HEATR5B: variants seen among roughly 807,000 people sequenced by gnomAD.
The protein encoded by HEATR5B is HEAT repeat containing 5B, also known as HEAT repeat-containing protein 5B.
Under a neutral mutation model 224.1 loss-of-function variants are expected in HEATR5B, and 156 were observed. The ratio of observed to expected loss-of-function variants is 0.70; its 90% CI spans 0.61 to 0.80. The LOEUF (loss-of-function observed/expected upper bound fraction) is 0.80. Among genes scored for constraint, HEATR5B ranks in the 30% least tolerant of loss-of-function variants. The probability of loss-of-function intolerance (pLI) is 0.00; values close to 1 mark genes in which losing one functional copy is unlikely to be tolerated. For missense variants in HEATR5B, 2,323 were observed against 2,535.5 expected, an observed-to-expected ratio of 0.92 and a Z score of 1.80; for synonymous variants, 1,027 against 893.0, an observed-to-expected ratio of 1.15 and a Z score of -2.68.
chr2:36,986,704 G>A (rs575058691), intron 35 of HEATR5B, among the ~76,000 whole-genome samples: 60 of 152,170 alleles, frequency 3.9e-4, no homozygotes, highest in Admixed American at 9.8e-4. Context: ...TGCAACCTCC[G>A]CCTCCCGGGT....
At position 37,064,954 on chromosome 2, in the gene HEATR5B, G is replaced by A; in HGVS notation, c.1370C>T (p.Pro457Leu). ...LEIVTSVLLH[P>L]SMAARLAAAW... ...AGCAGCAAGTCGGGCAGCCATGCTT[G>A]GATGAAGCAGCACTGAAGTCACAAT... is the stretch of plus-strand genomic sequence containing the variant. Residue 457 changes from proline (P) to leucine (L), a missense_variant, in exon 10 of 36, where the codon CCA becomes CTA. Physicochemically the swap from Pro to Leu is moderately conservative, Grantham distance 98. This residue lies in a region of HEATR5B where 502 missense variants were observed against 517.8 expected (regional missense o/e 0.97). Transcript: ENST00000233099. The A allele has an allele frequency of 6.2e-7, 1 of 1,614,010 alleles. No homozygotes were observed. Among genetic ancestry groups the A allele is most frequent in the Non-Finnish European group, 8.5e-7 (1 of 1,179,944 alleles).
At chr2:36,993,656 G>A (rs1375244231) in intron 33 of HEATR5B, among the ~76,000 whole-genome samples, 1 of 152,056 alleles carries the variant, frequency 6.6e-6, no homozygotes, top group African/African-American at 2.4e-5. Context: ...CAACTTCATA[G>A]TGGGGAAACA....
At chr2:37,011,422 G>C (rs1667779324) in intron 27 of HEATR5B, among the ~76,000 whole-genome samples, 1 of 152,152 alleles carries the variant, frequency 6.6e-6, no homozygotes, top group Admixed American at 6.5e-5. Context: ...GTCACTGTAA[G>C]ACTTTACGGT....
intron 35 of HEATR5B, among the ~76,000 whole-genome samples, chr2:36,983,494 G>A (rs112553879): frequency 0.29 from 43,354 of 151,694 alleles, 6,513 homozygotes; most frequent in African/African-American, 0.34. Flanking sequence ...AGCCGAGATC[G>A]TGCCATTGCA....
intron 21 of HEATR5B, among the ~76,000 whole-genome samples, chr2:37,035,828 C>T (rs973332422): frequency 3.3e-5 from 5 of 152,100 alleles, no homozygotes; most frequent in African/African-American, 1.2e-4. Flanking sequence ...CTTTTCTGAG[C>T]TCCAGGCCCA....
At chr2:37,083,261 C>A in intron 2 of HEATR5B, 28 bp downstream of exon 2, 2 of 1,612,646 alleles carry the variant, frequency 1.2e-6, no homozygotes, top group Non-Finnish European at 1.7e-6. Flanking sequence ...CACGTTAATG[C>A]AACTGGGAAA....
At chr2:37,064,206 C>A (rs1348042452) in intron 10 of HEATR5B, among the ~76,000 whole-genome samples, 3 of 151,268 alleles carry the variant, frequency 2.0e-5, no homozygotes, top group African/African-American at 7.3e-5. Context: ...GAATATATAG[C>A]AATGTGAACT....
intron 8 of HEATR5B, 38 bp from the exon 9 acceptor site, chr2:37,065,948 T>C: frequency 6.4e-7 from 1 of 1,566,324 alleles, no homozygotes; most frequent in Non-Finnish European, 8.7e-7. Context: ...ATAGGAGAAA[T>C]GAATTGTGGT....
chr2:37,073,802 A>G (rs1223521309), intron 5 of HEATR5B, among the ~76,000 whole-genome samples: 1 of 152,232 alleles, frequency 6.6e-6, no homozygotes, highest in Non-Finnish European at 1.5e-5. Context: ...TAGACTGGGC[A>G]AAACAATTTT....
intron 2 of HEATR5B, among the ~76,000 whole-genome samples, chr2:37,079,969 G>A (rs896267185): frequency 8.5e-5 from 13 of 152,312 alleles, no homozygotes; most frequent in African/African-American, 3.1e-4. Flanking sequence ...TGAATAGTAT[G>A]GGTGGTTACT....
intron 33 of HEATR5B, among the ~76,000 whole-genome samples, chr2:36,998,451 G>A (rs1432717703): frequency 6.6e-6 from 1 of 152,210 alleles, no homozygotes; most frequent in African/African-American, 2.4e-5. Flanking sequence ...GCTGGTGAGA[G>A]CGTAAATTCA....
At chr2:37,007,616 T>C (rs980206690) in intron 28 of HEATR5B, among the ~76,000 whole-genome samples, 2 of 152,180 alleles carry the variant, frequency 1.3e-5, no homozygotes, top group African/African-American at 2.4e-5. Flanking sequence ...ATTACAGGCA[T>C]GTGCCACTGC....
rs563269666 is a variant in HEATR5B, at chr2:37,013,824, T to C, written c.4284+17A>G. On this transcript the variant is annotated intron_variant, in intron 27 of 35. Coordinates refer to ENST00000233099, the MANE Select transcript of HEATR5B (RefSeq NM_019024.3). ...AAGAAATGGGTCAAAAACAATAGAT[T>C]GTGGTTTAGTCGTTACCTCTGCCCA... is the stretch of plus-strand genomic sequence containing the variant. 8 of 1,535,240 alleles carry C rather than the reference T, an allele frequency of 5.2e-6. No homozygotes were observed. Among genetic ancestry groups the C allele is most frequent in the South Asian group, 1.3e-5 (1 of 79,090 alleles).
Position 37,065,900 on chromosome 2 carries a change from C to T in HEATR5B, c.1188G>A (p.Val396=), listed in dbSNP as rs780124048. Residue 396 remains valine (V), a synonymous_variant, in exon 9 of 36, where the codon GTG becomes GTA. Coordinates refer to ENST00000233099, the MANE Select transcript of HEATR5B (RefSeq NM_019024.3). ...ATTTGTTTTCTCCACTTGTGTCATT[C>T]ACTACTGCTTCTGGAAACACAAAAT... ...GKQMKAVEAV[V]NDTSGENKSG... 1.9e-6 allele frequency: 3 copies of T among 1,607,628 alleles called. No individual in the cohort carries two copies. Among genetic ancestry groups the T allele is most frequent in the Admixed American group, 1.7e-5 (1 of 59,646 alleles).
chr2:37,020,151 C>A (rs1668379145), intron 25 of HEATR5B, among the ~76,000 whole-genome samples: 1 of 152,158 alleles, frequency 6.6e-6, no homozygotes, highest in Non-Finnish European at 1.5e-5. Flanking sequence ...ATGATCCACC[C>A]ACCTCGGCCT....
chr2:37,019,360 A>C (rs1262948224), intron 26 of HEATR5B, among the ~76,000 whole-genome samples: 5 of 152,124 alleles, frequency 3.3e-5, no homozygotes, highest in Non-Finnish European at 5.9e-5. Context: ...CACAATGTTT[A>C]TTACCTAATT....
intron 21 of HEATR5B, among the ~76,000 whole-genome samples, chr2:37,033,281 C>T (rs1288459811): frequency 3.3e-5 from 5 of 152,114 alleles, no homozygotes; most frequent in Non-Finnish European, 7.4e-5. Context: ...CAAAATACTA[C>T]TACTAATAAA....
intron 27 of HEATR5B, among the ~76,000 whole-genome samples, 172 bp downstream of exon 27, chr2:37,013,669 C>T (rs1667931738): frequency 6.6e-6 from 1 of 152,198 alleles, no homozygotes; most frequent in African/African-American, 2.4e-5. Flanking sequence ...TAGGAGAGCC[C>T]TTCCTCAATA....
Position 37,082,192 on chromosome 2 carries a change from C to A in HEATR5B, c.126+1097G>T, listed in dbSNP as rs567702577. On this transcript the variant is annotated intron_variant, in intron 2 of 35. Transcript: ENST00000233099. The stretch of plus-strand genomic sequence containing the variant: ...TCAAGCGATTCTCCTGCCTCAGCCT[C>A]CCCAGTAGCTGGGATTACAGGCGCC... Among the ~76,000 whole-genome samples the A allele has an allele frequency of 2.5e-4, 38 of 150,418 alleles. No homozygotes were observed. The East Asian group carries it at 7.6e-3, about 30-fold the overall frequency.
Sources: gnomAD v4.1 joint callset for allele counts (sites outside exome capture counted in the v4.1 genomes callset) on GRCh38, gnomAD v4.1.1 for gene constraint, gnomAD v4.1.1 regional missense constraint, MANE v1.5 for transcripts, NCBI Gene and HGNC (gene_info 2026-07-23, HGNC 2026-07-21) for gene names.